DDAH1: variants seen among roughly 807,000 people sequenced by gnomAD.
DDAH1 encodes the protein N(G),N(G)-dimethylarginine dimethylaminohydrolase 1.
A neutral mutation model predicts 28.8 loss-of-function variants in DDAH1; 19 were observed. That is an observed-to-expected ratio of 0.66 (90% confidence interval 0.46 to 0.97). The LOEUF is 0.97. DDAH1 is among the 50% of genes least tolerant of loss of function. DDAH1 has a pLI of 0.00. For synonymous variants in DDAH1, 153 were observed against 154.4 expected (o/e 0.99, Z 0.07); for missense variants, 326 against 375.9 (o/e 0.87, Z 1.10).
intron 1 of DDAH1, among the ~76,000 whole-genome samples, chr1:85,404,892 G>C (rs760346646): frequency 6.6e-6 from 1 of 152,124 alleles, no homozygotes. Context: ...TTGAGGGAAC[G>C]CCATTTCTTT....
rs1429770317 is a variant in DDAH1, at chr1:85,357,644, C to T, written c.403+1104G>A. Among the ~76,000 whole-genome samples the T allele has an allele frequency of 2.0e-5, 3 of 152,220 alleles. No individual in the cohort carries two copies. The East Asian group carries it at 5.8e-4, about 29-fold the overall frequency. ...GCTTTCAGTGGGCCACTTGGGGCCA[C>T]ATTCCCAAGTCCCTGAGGACCAGCC... On this transcript the variant is annotated intron_variant, in intron 2 of 5. Transcript: ENST00000284031.
Position 85,437,028 on chromosome 1 carries a change from C to CAA in DDAH1, c.303+27713_303+27714dup, listed in dbSNP as rs539784220. On this transcript the variant is annotated intron_variant, in intron 1 of 5. Transcript: ENST00000284031. ...CCAGTTTTAGTGGCTCACTTCTAAC[C>CAA]AAAAAAAAACCTGTGATGGAAGTGA... Among the ~76,000 whole-genome samples, 9 of 150,830 alleles carry CAA rather than the reference C, an allele frequency of 6.0e-5. No individual in the cohort carries two copies. In the South Asian group the frequency reaches 1.9e-3, roughly 32 times the overall value.
chr1:85,415,005 CTTTTTTTTTTTTTTT>C (rs71727580), intron 1 of DDAH1, among the ~76,000 whole-genome samples: 2 of 57,566 alleles, frequency 3.5e-5, no homozygotes, highest in African/African-American at 6.4e-5. Context: ...TCAAGTGTTG[CTTTTTTTTTTTTTTT>C]TTTTTTTTTT....
At position 85,517,932 on chromosome 1, in the gene DDAH1, C is replaced by G. The variant is rs7524316; in HGVS notation, c.-122-21651G>C. On this transcript the variant is annotated intron_variant, in intron 1 of 6. Coordinates refer to the DDAH1 transcript ENST00000426972. Reference sequence around the variant, plus strand: ...TAAAATCAGTGATTTCTTTCAACAGCTGGGTTCCAGGGCCCTGTTGGACAG... The same window carrying G: ...TAAAATCAGTGATTTCTTTCAACAGGTGGGTTCCAGGGCCCTGTTGGACAG... Among the ~76,000 whole-genome samples, 52 of 152,246 alleles carry G rather than the reference C, an allele frequency of 3.4e-4. No homozygotes were observed. In the East Asian group the frequency reaches 9.4e-3, roughly 28 times the overall value.
At chr1:85,519,972 C>CTTTATTTATTTA (rs1553145018) in intron 1 of DDAH1, among the ~76,000 whole-genome samples, 28 of 150,722 alleles carry the variant, frequency 1.9e-4, no homozygotes, top group Non-Finnish European at 2.7e-4. Flanking sequence ...TTTTTTTCCC[C>CTTTATTTATTTA]TTTATTTATT....
intron 1 of DDAH1, among the ~76,000 whole-genome samples, chr1:85,462,920 G>C (rs1018862596): frequency 2.6e-5 from 4 of 152,228 alleles, no homozygotes; most frequent in Non-Finnish European, 4.4e-5. Context: ...CTGATCCATA[G>C]TTAAGTGAAT....
chr1:85,340,603 T>TC (rs1648413735), intron 4 of DDAH1, among the ~76,000 whole-genome samples: 1 of 152,176 alleles, frequency 6.6e-6, no homozygotes, highest in Non-Finnish European at 1.5e-5. Flanking sequence ...ACAGCTACTT[T>TC]CCTAGTCCAG....
intron 4 of DDAH1, among the ~76,000 whole-genome samples, chr1:85,326,144 CT>C (rs1360769844): frequency 6.6e-6 from 1 of 152,194 alleles, no homozygotes; most frequent in East Asian, 1.9e-4. Flanking sequence ...ATAGTAAGCC[CT>C]TCCTGACTCA....
chr1:85,432,792 A>G (rs1028475433), intron 1 of DDAH1, among the ~76,000 whole-genome samples: 3 of 152,208 alleles, frequency 2.0e-5, no homozygotes, highest in Non-Finnish European at 2.9e-5. Context: ...CTAAAAATCA[A>G]CAGGAACTTT....
intron 1 of DDAH1, among the ~76,000 whole-genome samples, chr1:85,452,181 T>A (rs906056502): frequency 6.6e-6 from 1 of 152,172 alleles, no homozygotes; most frequent in African/African-American, 2.4e-5. Flanking sequence ...ATTTGCTCAA[T>A]GGAAGTCAAG....
Position 85,321,363 on chromosome 1 carries a change from T to A in DDAH1, c.*89A>T. The A allele has an allele frequency of 1.2e-6, 1 of 833,204 alleles. No homozygotes were observed. Among genetic ancestry groups the A allele is most frequent in the Non-Finnish European group, 2.0e-6 (1 of 489,206 alleles). The allele number at this position is 833,204 out of a possible 1,614,324, so 51.6% of individuals were successfully genotyped here. On this transcript the variant is annotated 3_prime_UTR_variant, in exon 6 of 6. Coordinates refer to ENST00000284031, the MANE Select transcript of DDAH1 (RefSeq NM_012137.4). The stretch of plus-strand genomic sequence containing the variant: ...AAGAGTTAGTAGCACAGTGGCACAG[T>A]AGATTGTCAAGGAAAACAACAGGAG...
intron 1 of DDAH1, among the ~76,000 whole-genome samples, chr1:85,412,019 C>T (rs775837992): frequency 6.6e-6 from 1 of 152,218 alleles, no homozygotes; most frequent in Non-Finnish European, 1.5e-5. Context: ...ATAGAATGTA[C>T]TTGTGGAATT....
chr1:85,522,701 A>G (rs1657732599), intron 1 of DDAH1, among the ~76,000 whole-genome samples: 2 of 151,858 alleles, frequency 1.3e-5, no homozygotes, highest in South Asian at 2.1e-4. Flanking sequence ...ATGGTCTTAT[A>G]TTGGATAACA....
chr1:85,472,904 T>C (rs1354362805), intron 2 of DDAH1, among the ~76,000 whole-genome samples: 1 of 152,164 alleles, frequency 6.6e-6, no homozygotes, highest in East Asian at 1.9e-4. Flanking sequence ...GCAGTTTCTG[T>C]TGTTTTCGTC....
At chr1:85,571,912 AC>A (rs1331855414) in intron 1 of DDAH1, among the ~76,000 whole-genome samples, 1 of 150,000 alleles carries the variant, frequency 6.7e-6, no homozygotes, top group Non-Finnish European at 1.5e-5. Flanking sequence ...ACCTTGGGCA[AC>A]CCCCACCCCA....
intron 1 of DDAH1, among the ~76,000 whole-genome samples, chr1:85,454,956 T>C (rs1654820943): frequency 1.3e-5 from 2 of 152,160 alleles, no homozygotes; most frequent in African/African-American, 4.8e-5. Context: ...CAATAACCTT[T>C]CGACTAGGGC....
chr1:85,434,636 C>T (rs901831049), intron 1 of DDAH1, among the ~76,000 whole-genome samples: 13 of 152,132 alleles, frequency 8.5e-5, no homozygotes, highest in Non-Finnish European at 1.8e-4. Flanking sequence ...AAGTAATCCT[C>T]CTGCCTCAGC....
chr1:85,389,341 C>T (rs901836819), intron 1 of DDAH1, among the ~76,000 whole-genome samples: 7 of 152,188 alleles, frequency 4.6e-5, no homozygotes, highest in African/African-American at 1.7e-4. Flanking sequence ...AAGCTCTTAG[C>T]ATGGTGACCT....
intron 2 of DDAH1, among the ~76,000 whole-genome samples, chr1:85,485,712 A>G (rs1276545711): frequency 2.0e-5 from 3 of 152,224 alleles, no homozygotes; most frequent in African/African-American, 7.2e-5. Flanking sequence ...AACACATTAT[A>G]TCAATGGACG....
Sources: gnomAD v4.1 joint callset for allele counts (sites outside exome capture counted in the v4.1 genomes callset) on GRCh38, gnomAD v4.1.1 for gene constraint, MANE v1.5 for transcripts, NCBI Gene and HGNC (gene_info 2026-07-23, HGNC 2026-07-21) for gene names.